MAML2: variants seen among roughly 807,000 people sequenced by gnomAD.
MAML2 encodes mastermind-like protein 2.
A neutral mutation model predicts 96.1 loss-of-function variants in MAML2; 22 were observed. The observed-to-expected ratio is 0.23, with a 90% CI of 0.16 to 0.33. The LOEUF (loss-of-function observed/expected upper bound fraction) is 0.33, where lower values mean the gene tolerates loss of function less well. Among genes scored for constraint, MAML2 ranks in the 10% least tolerant of loss-of-function variants. The pLI is 1.00. For missense variants in MAML2, 1,367 were observed against 1,392.4 expected, an observed-to-expected ratio of 0.98 and a Z score of 0.29; for synonymous variants, 561 against 521.3, an observed-to-expected ratio of 1.08 and a Z score of -1.04.
intron 1 of MAML2, among the ~76,000 whole-genome samples, chr11:96,246,991 A>G (rs1329496698): frequency 1.3e-5 from 2 of 152,234 alleles, no homozygotes; most frequent in East Asian, 3.9e-4. Flanking sequence ...AAGAATAATT[A>G]TACAGAGAGG....
chr11:96,191,878 C>A (rs187560648), intron 1 of MAML2, among the ~76,000 whole-genome samples: 2 of 151,972 alleles, frequency 1.3e-5, no homozygotes, highest in South Asian at 2.1e-4. Flanking sequence ...AGGACCAACA[C>A]ATGGAGTTGT....
intron 1 of MAML2, among the ~76,000 whole-genome samples, chr11:96,274,497 T>G (rs921067411): frequency 2.0e-5 from 3 of 152,206 alleles, no homozygotes; most frequent in African/African-American, 7.2e-5. Flanking sequence ...ACTATAAAGT[T>G]TTAGAGTATT....
chr11:96,342,041 C>CA lies in MAML2; in HGVS notation c.-147_-146insT, dbSNP rs1864004056. The CA allele has an allele frequency of 1.5e-6, 1 of 686,762 alleles. No homozygotes were observed. Among genetic ancestry groups the CA allele is most frequent in the African/African-American group, 1.8e-5 (1 of 54,862 alleles). 42.5% of individuals were successfully genotyped at this position (686,762 alleles called of 1,614,324 possible). ...AGGTCTTCAGAGGTTGTGGGGGAGC[C>CA]GTGGAGAAGTTGTGGGGGAGGGGAG... On this transcript the variant is annotated 5_prime_UTR_variant, in exon 1 of 5. Coordinates refer to ENST00000524717, the MANE Select transcript of MAML2 (RefSeq NM_032427.4).
intron 1 of MAML2, among the ~76,000 whole-genome samples, chr11:96,100,820 A>T (rs1030698586): frequency 6.8e-6 from 1 of 146,596 alleles, no homozygotes; most frequent in Admixed American, 7.2e-5. Flanking sequence ...ATCTTGGCTC[A>T]CTGCAGCCTC....
chr11:96,184,895 A>C (rs1056165871), intron 1 of MAML2, among the ~76,000 whole-genome samples: 21 of 152,130 alleles, frequency 1.4e-4, no homozygotes, highest in Non-Finnish European at 2.9e-4. Context: ...CGCCCAGCCC[A>C]AAAAATGTTT....
intron 1 of MAML2, among the ~76,000 whole-genome samples, chr11:96,121,978 T>TTTTTTTTA (rs1860355034): frequency 1.9e-5 from 2 of 104,740 alleles, no homozygotes; most frequent in African/African-American, 7.1e-5. Flanking sequence ...TTTTTTTTTT[T>TTTTTTTTA]TTTTGTATTT....
intron 2 of MAML2, among the ~76,000 whole-genome samples, chr11:96,059,268 T>A (rs1565202125): frequency 1.3e-5 from 2 of 152,208 alleles, no homozygotes; most frequent in Non-Finnish European, 2.9e-5. Context: ...TAGAATTTCA[T>A]GATCACTTTA....
chr11:96,251,069 T>C lies in MAML2; in HGVS notation c.513+90314A>G, dbSNP rs77408206. ...TTTAGCAATTTTATATCGCTAGCAA[T>C]AAAGTAGTCTTTACAATTACATACA... On this transcript the variant is annotated intron_variant, in intron 1 of 4. Transcript: ENST00000524717. Among the ~76,000 whole-genome samples the C allele has an allele frequency of 4.5e-3, 686 of 152,336 alleles. 8 individuals carry two copies. Among genetic ancestry groups the C allele is most frequent in the African/African-American group, 0.016 (655 of 41,576 alleles).
At chr11:96,002,523 G>A (rs1389663736) in intron 2 of MAML2, among the ~76,000 whole-genome samples, 1 of 148,928 alleles carries the variant, frequency 6.7e-6, no homozygotes, top group Non-Finnish European at 1.5e-5. Flanking sequence ...TGACGATGAT[G>A]ATGGGGCTGA....
intron 2 of MAML2, among the ~76,000 whole-genome samples, chr11:96,073,390 A>AGCT (rs1208161801): frequency 6.8e-6 from 1 of 146,148 alleles, no homozygotes; most frequent in East Asian, 2.0e-4. Flanking sequence ...GTGCTATCTC[A>AGCT]GCTCACTGCA....
chr11:96,250,293 AT>A (rs1312899946), intron 1 of MAML2, among the ~76,000 whole-genome samples: 4 of 151,858 alleles, frequency 2.6e-5, no homozygotes, highest in Non-Finnish European at 5.9e-5. Flanking sequence ...ATTGAAAAAA[AT>A]GTACATATTC....
At chr11:96,141,744 G>A (rs986671391) in intron 1 of MAML2, among the ~76,000 whole-genome samples, 2 of 152,184 alleles carry the variant, frequency 1.3e-5, no homozygotes, top group African/African-American at 4.8e-5. Context: ...ACAAAATAAT[G>A]TAGCTTTGGA....
chr11:96,294,261 G>A (rs946622518), intron 1 of MAML2, among the ~76,000 whole-genome samples: 10 of 151,816 alleles, frequency 6.6e-5, no homozygotes, highest in Non-Finnish European at 1.5e-4. Context: ...AGCTGGGATT[G>A]TGAATTTTCT....
chr11:96,318,703 G>C (rs777118266), intron 1 of MAML2, among the ~76,000 whole-genome samples: 6 of 152,212 alleles, frequency 3.9e-5, no homozygotes, highest in Non-Finnish European at 8.8e-5. Flanking sequence ...ACTCAGGAGG[G>C]TGAGGATCTT....
At chr11:96,037,846 T>C (rs1172652880) in intron 2 of MAML2, among the ~76,000 whole-genome samples, 1 of 152,136 alleles carries the variant, frequency 6.6e-6, no homozygotes, top group Non-Finnish European at 1.5e-5. Context: ...ACTTGCCTCT[T>C]GATATTTTAA....
rs1410803137 is a variant in MAML2 at position 96,084,663 on chromosome 11, G to A, written c.2139+7229C>T. On this transcript the variant is annotated intron_variant, in intron 2 of 4. Coordinates refer to ENST00000524717, the MANE Select transcript of MAML2 (RefSeq NM_032427.4). Reference sequence around the variant, plus strand: ...AGGCTGGTTCAAAATTGGTCTGCAGGGAAAGGGTCAAAGAAGAGAGAGTAC... The same window carrying A: ...AGGCTGGTTCAAAATTGGTCTGCAGAGAAAGGGTCAAAGAAGAGAGAGTAC... Among the ~76,000 whole-genome samples the A allele has an allele frequency of 2.6e-5, 4 of 152,292 alleles. No homozygotes were observed. The East Asian group carries it at 7.7e-4, about 29-fold the overall frequency.
chr11:96,156,196 G>A (rs895713224), intron 1 of MAML2, among the ~76,000 whole-genome samples: 3 of 152,090 alleles, frequency 2.0e-5, no homozygotes, highest in African/African-American at 7.2e-5. Flanking sequence ...GTTTTCTTCT[G>A]ACCCCTTCTG....
At chr11:96,073,855 A>G (rs937724069) in intron 2 of MAML2, among the ~76,000 whole-genome samples, 1 of 152,168 alleles carries the variant, frequency 6.6e-6, no homozygotes, top group Non-Finnish European at 1.5e-5. Context: ...GGATCTGTGT[A>G]GATTGTGCAG....
intron 1 of MAML2, among the ~76,000 whole-genome samples, chr11:96,308,788 T>A (rs1040885923): frequency 2.0e-5 from 3 of 152,244 alleles, no homozygotes; most frequent in African/African-American, 4.8e-5. Context: ...TATGTCTTCC[T>A]ATTAGAATGT....
Sources: gnomAD v4.1 joint callset for allele counts (sites outside exome capture counted in the v4.1 genomes callset) on GRCh38, gnomAD v4.1.1 for gene constraint, MANE v1.5 for transcripts, NCBI Gene and HGNC (gene_info 2026-07-23, HGNC 2026-07-21) for gene names.